SOCS2: variants seen among roughly 807,000 people sequenced by gnomAD.
SOCS2 encodes the protein CIS-2.
A neutral mutation model predicts 18.6 loss-of-function variants in SOCS2; 10 were observed. That is an observed-to-expected ratio of 0.54 (90% CI 0.33 to 0.91). The LOEUF (loss-of-function observed/expected upper bound fraction) is 0.91, where lower values mean the gene tolerates loss of function less well. SOCS2 is among the 40% of genes least tolerant of loss of function. The probability of loss-of-function intolerance (pLI) is 0.02; values close to 1 mark genes in which losing one functional copy is unlikely to be tolerated. For missense variants in SOCS2, 231 were observed against 247.2 expected (o/e 0.93, Z 0.44); for synonymous variants, 104 against 104.0 (o/e 1.00, Z 0.00).
At chr12:93,615,521 G>A in the SOCS2 span, among the ~76,000 whole-genome samples, 1 of 152,180 alleles carries the variant, frequency 6.6e-6, no homozygotes, top group South Asian at 2.1e-4. Context: ...ATTGGATTAA[G>A]GTATTCTCCT....
chr12:93,624,664 T>G, the SOCS2 span, among the ~76,000 whole-genome samples: 92 of 152,278 alleles, frequency 6.0e-4, no homozygotes, highest in African/African-American at 2.0e-3. Context: ...ATCACCCAAG[T>G]CACTCTGGAA....
chr12:93,590,783 C>CAAAAAAAAAAAAAAAAA, the SOCS2 span, among the ~76,000 whole-genome samples: 3 of 38,950 alleles, frequency 7.7e-5, 1 homozygote, highest in African/African-American at 3.5e-4. Context: ...GACTCCGCCT[C>CAAAAAAAAAAAAAAAAA]AAAAAAAAAA....
the SOCS2 span, among the ~76,000 whole-genome samples, chr12:93,625,254 ATCTC>A: frequency 0.16 from 23,871 of 151,850 alleles, 2,721 homozygotes; most frequent in East Asian, 0.35. Flanking sequence ...TACACACACA[ATCTC>A]TCTCTGTCAT....
the SOCS2 span, among the ~76,000 whole-genome samples, chr12:93,619,039 C>T: frequency 2.6e-5 from 4 of 152,262 alleles, no homozygotes; most frequent in African/African-American, 4.8e-5. Flanking sequence ...GGTACAGAAA[C>T]GTGGGCAGGG....
downstream of SOCS2, among the ~76,000 whole-genome samples, chr12:93,583,918 G>A (rs1441139065): frequency 6.6e-6 from 1 of 152,216 alleles, no homozygotes; most frequent in African/African-American, 2.4e-5. Flanking sequence ...TGATTTAATA[G>A]TGTCGAAAGA....
At chr12:93,606,948 C>T in the SOCS2 span, among the ~76,000 whole-genome samples, 11 of 152,270 alleles carry the variant, frequency 7.2e-5, no homozygotes, top group South Asian at 6.2e-4. Context: ...CTACCACAAC[C>T]GACCCATTTA....
At chr12:93,613,419 C>T in the SOCS2 span, among the ~76,000 whole-genome samples, 4 of 151,312 alleles carry the variant, frequency 2.6e-5, no homozygotes, top group South Asian at 8.4e-4. Context: ...AAAAAAAAAC[C>T]AAAAACAAAA....
At chr12:93,593,311 AAC>A in the SOCS2 span, among the ~76,000 whole-genome samples, 2 of 152,222 alleles carry the variant, frequency 1.3e-5, no homozygotes, top group East Asian at 3.8e-4. Context: ...CCTACTCAGA[AAC>A]ACAGCATCTT....
the SOCS2 span, among the ~76,000 whole-genome samples, chr12:93,611,656 A>C: frequency 6.6e-6 from 1 of 152,146 alleles, no homozygotes; most frequent in Non-Finnish European, 1.5e-5. Context: ...CTTTCATTAC[A>C]CTGTAATTAT....
downstream of SOCS2, among the ~76,000 whole-genome samples, chr12:93,578,770 C>T (rs191957587): frequency 5.1e-3 from 779 of 152,028 alleles, 3 homozygotes; most frequent in Non-Finnish European, 7.9e-3. Context: ...ATATTTTAGT[C>T]TTAGGATTAC....
the SOCS2 span, among the ~76,000 whole-genome samples, chr12:93,589,338 G>A: frequency 2.0e-5 from 3 of 152,110 alleles, no homozygotes; most frequent in Non-Finnish European, 4.4e-5. Flanking sequence ...TACCAACCTT[G>A]ACATTCTGGG....
downstream of SOCS2, among the ~76,000 whole-genome samples, chr12:93,578,873 A>G (rs1229734121): frequency 2.0e-5 from 3 of 152,134 alleles, no homozygotes; most frequent in Admixed American, 2.0e-4. Flanking sequence ...TTAACATCAT[A>G]TATTTCTTCC....
At chr12:93,599,549 A>G in the SOCS2 span, among the ~76,000 whole-genome samples, 1 of 152,212 alleles carries the variant, frequency 6.6e-6, no homozygotes, top group Admixed American at 6.5e-5. Context: ...ATATACATTG[A>G]AAAAACCTTT....
chr12:93,599,707 A>G, the SOCS2 span, among the ~76,000 whole-genome samples: 1 of 152,158 alleles, frequency 6.6e-6, no homozygotes, highest in Non-Finnish European at 1.5e-5. Context: ...TTATAATGAG[A>G]GCGAGTTTAT....
chr12:93,621,458 A>G, the SOCS2 span, among the ~76,000 whole-genome samples: 1 of 152,130 alleles, frequency 6.6e-6, no homozygotes, highest in Admixed American at 6.5e-5. Context: ...TCATGACTGT[A>G]TGACCAGAAC....
downstream of SOCS2, among the ~76,000 whole-genome samples, chr12:93,579,725 G>A (rs10745657): frequency 0.58 from 88,101 of 152,034 alleles, 27,378 homozygotes; most frequent in African/African-American, 0.8. Flanking sequence ...GGTAACAAGT[G>A]TTGTTAGAGT....
At chr12:93,610,193 G>A in the SOCS2 span, among the ~76,000 whole-genome samples, 2,312 of 152,170 alleles carry the variant, frequency 0.015, 68 homozygotes, top group African/African-American at 0.053. Flanking sequence ...TACAACAGTC[G>A]TTCTCAGACT....
the SOCS2 span, among the ~76,000 whole-genome samples, chr12:93,624,520 C>T: frequency 6.6e-6 from 1 of 151,440 alleles, no homozygotes; most frequent in Non-Finnish European, 1.5e-5. Flanking sequence ...TGTAGTGAGC[C>T]GAGATTGCAC....
Position 93,574,755 on chromosome 12 carries a change from C to G in SOCS2, c.173C>G (p.Ala58Gly). The G allele has an allele frequency of 1.2e-6, 2 of 1,613,422 alleles. No individual in the cohort carries two copies. Among genetic ancestry groups the G allele is most frequent in the Non-Finnish European group, 1.7e-6 (2 of 1,179,742 alleles). ...TGGGGAAGTATGACTGTTAATGAAG[C>G]CAAAGAGAAATTAAAAGAGGCACCA... ...WYWGSMTVNE[A>G]KEKLKEAPEG... The change falls in exon 2 of 2, where the codon GCC becomes GGC. Residue 58 changes from alanine (A) to glycine (G), a missense_variant. By Grantham distance (60) the Ala-to-Gly change is moderately conservative (BLOSUM62 0). Coordinates refer to ENST00000551556, the MANE Select transcript of SOCS2 (RefSeq NM_001270471.2).
Sources: allele counts gnomAD v4.1 joint callset (sites outside exome capture counted in the v4.1 genomes callset), GRCh38; gene constraint gnomAD v4.1.1; transcripts MANE v1.5; gene names NCBI Gene and HGNC (gene_info 2026-07-23, HGNC 2026-07-21).